The following FAM217B variants were observed in gnomAD, a reference collection of about 807,000 sequenced individuals.
FAM217B encodes the protein family with sequence similarity 217 member B.
For missense variants in FAM217B, 463 were observed against 456.9 expected, an observed-to-expected ratio of 1.01 and a Z score of -0.12; for synonymous variants, 163 against 173.0, an observed-to-expected ratio of 0.94 and a Z score of 0.45.
Position 59,943,952 on chromosome 20 carries a change from T to C in FAM217B, c.9T>C (p.Ala3=). 6.3e-7 allele frequency: 1 copy of C among 1,598,220 alleles called. No homozygotes were observed. The highest frequency in any genetic ancestry group is 8.5e-7 in the Non-Finnish European group (1 of 1,173,492). Residue 3 remains alanine (A), a synonymous_variant, in exon 4 of 4, where the codon GCT becomes GCC. Coordinates refer to ENST00000360816, the MANE Select transcript of FAM217B (RefSeq NM_022106.3). The stretch of plus-strand genomic sequence containing the variant: ...TATTTTCTCACAGCAATATGAATGC[T>C]GGCCCATCTTGGAATAAAGTGCAAC... The part of the protein sequence containing the change: MN[A]GPSWNKVQHS...
chr20:59,939,970 G>A (rs559988450), upstream of FAM217B: 3 of 1,254,724 alleles, frequency 2.4e-6, no homozygotes, highest in East Asian at 3.1e-5. Context: ...AGGGATGAGA[G>A]ACGACCTCCC....
At position 59,946,884 on chromosome 20, in the gene FAM217B, TC is replaced by T. The variant is rs1480179651; in HGVS notation, c.*1791del. ...TAGTTCCTGAGTGATGTCTGTGTGT[TC>T]CTTGCCTGCCCTTTTTTGTGAGCAC... On this transcript the variant is annotated 3_prime_UTR_variant, in exon 4 of 4. Coordinates refer to ENST00000360816, the MANE Select transcript of FAM217B (RefSeq NM_022106.3). The T allele has an allele frequency of 6.0e-6, 1 of 167,100 alleles. No individual in the cohort carries two copies. The highest frequency in any genetic ancestry group is 1.5e-5 in the Non-Finnish European group (1 of 68,118). 10.4% of individuals were successfully genotyped at this position (167,100 alleles called of 1,614,324 possible).
At position 59,945,255 on chromosome 20, in the gene FAM217B, A is replaced by G. The variant is rs182929561; in HGVS notation, c.*160A>G. Reference sequence around the variant, plus strand: ...CTTTATTTCTACCCTGAGTGGGGTTATTTTCAAAGGGAAGTGTCTTTCAAT... The same window carrying G: ...CTTTATTTCTACCCTGAGTGGGGTTGTTTTCAAAGGGAAGTGTCTTTCAAT... On this transcript the variant is annotated 3_prime_UTR_variant, in exon 4 of 4. Coordinates refer to ENST00000360816, the MANE Select transcript of FAM217B (RefSeq NM_022106.3). The G allele has an allele frequency of 3.2e-6, 2 of 615,466 alleles. No homozygotes were observed. The highest frequency in any genetic ancestry group is 3.7e-5 in the African/African-American group (2 of 53,836). 38.1% of individuals were successfully genotyped at this position (615,466 alleles called of 1,614,324 possible).
At chr20:59,939,756 C>T (rs13044006), upstream of FAM217B, 7 of 1,224,378 alleles carry the variant, frequency 5.7e-6, no homozygotes, top group African/African-American at 9.4e-5. Flanking sequence ...GGGGTCGCAG[C>T]CCGACGGCGC....
chr20:59,941,818 T>C (rs948432229), intron 1 of FAM217B, among the ~76,000 whole-genome samples: 1 of 152,188 alleles, frequency 6.6e-6, no homozygotes, highest in African/African-American at 2.4e-5. Flanking sequence ...GGCAATGCAA[T>C]GATTGAACGC....
intron 1 of FAM217B, among the ~76,000 whole-genome samples, chr20:59,934,585 A>G (rs2060844727): frequency 6.6e-6 from 1 of 152,220 alleles, no homozygotes; most frequent in African/African-American, 2.4e-5. Flanking sequence ...TGATGAGCCT[A>G]CACTTCTATT....
chr20:59,946,549 G>A lies in FAM217B; in HGVS notation c.*1454G>A, dbSNP rs1052272906. On this transcript the variant is annotated 3_prime_UTR_variant, in exon 4 of 4. Coordinates refer to ENST00000360816, the MANE Select transcript of FAM217B (RefSeq NM_022106.3). ...TATAATTATAAAAAACAATGTGCAA[G>A]GGTTATATTTTAAGGTCTTTTAAAA... 6.0e-6 allele frequency: 1 copy of A among 166,964 alleles called. No individual in the cohort carries two copies. Among genetic ancestry groups the A allele is most frequent in the Non-Finnish European group, 1.5e-5 (1 of 68,092 alleles). The allele number at this position is 166,964 out of a possible 1,614,324, so 10.3% of individuals were successfully genotyped here.
chr20:59,939,258 C>G, upstream of FAM217B: 1 of 1,610,868 alleles, frequency 6.2e-7, no homozygotes, highest in Non-Finnish European at 8.5e-7. Flanking sequence ...GCCTGCGGGC[C>G]CGCGCCACCG....
chr20:59,944,206 A>C lies in FAM217B; in HGVS notation c.263A>C (p.Asn88Thr). 1 of 1,614,208 alleles carries C rather than the reference A, an allele frequency of 6.2e-7. No individual in the cohort carries two copies. Among genetic ancestry groups the C allele is most frequent in the Non-Finnish European group, 8.5e-7 (1 of 1,180,034 alleles). The change falls in exon 4 of 4, where the codon AAT (asparagine) becomes ACT (threonine). Residue 88 changes from asparagine to threonine, a missense_variant. Physicochemically the swap from Asn to Thr is moderately conservative, Grantham distance 65. Transcript: ENST00000360816. ...DFQSMKIIKE[N>T]ADEDSASDLS... ...CAGTCAATGAAAATTATTAAAGAGA[A>C]TGCTGATGAGGACAGTGCAAGTGAT...
In FAM217B at chr20:59,944,433, G is replaced by A. The variant is rs141597928; in HGVS notation, c.490G>A (p.Ala164Thr). Residue 164 changes from alanine to threonine, a missense_variant, in exon 4 of 4, where the codon GCA (alanine) becomes ACA (threonine). Physicochemically the swap from Ala to Thr is moderately conservative, Grantham distance 58. Transcript: ENST00000360816. ...DLRDMALLLN[A>T]ENKTEAVPRV... ...ACGAGATATGGCCCTGCTTCTGAAC[G>A]CAGAGAACAAAACGGAAGCCGTGCC... 4.7e-4 allele frequency: 762 copies of A among 1,613,758 alleles called. No individual in the cohort carries two copies. Among genetic ancestry groups the A allele is most frequent in the Non-Finnish European group, 4.7e-4 (557 of 1,179,972 alleles).
At chr20:59,936,461 A>C (rs2060862551), upstream of FAM217B, among the ~76,000 whole-genome samples, 2 of 152,358 alleles carry the variant, frequency 1.3e-5, no homozygotes, top group African/African-American at 4.8e-5. Flanking sequence ...CTTTGTACTT[A>C]GGTGAGGGTC....
upstream of FAM217B, among the ~76,000 whole-genome samples, chr20:59,936,310 C>T (rs2060861768): frequency 6.6e-6 from 1 of 152,234 alleles, no homozygotes; most frequent in East Asian, 1.9e-4. Context: ...TTATTTTCAG[C>T]TAAGAAAAAG....
At chr20:59,941,842 G>A (rs2060907352) in intron 1 of FAM217B, among the ~76,000 whole-genome samples, 1 of 152,156 alleles carries the variant, frequency 6.6e-6, no homozygotes, top group South Asian at 2.1e-4. Context: ...AATAAGACCT[G>A]ACCTTATTTA....
At position 59,945,392 on chromosome 20, in the gene FAM217B, C is replaced by T. The variant is rs2060931543; in HGVS notation, c.*297C>T. Reference sequence around the variant, plus strand: ...AATGGCACCTCTCCAGGGAAAGTGTCAGTGAAACCTCAGCTACAGTAGCCG... The same window carrying T: ...AATGGCACCTCTCCAGGGAAAGTGTTAGTGAAACCTCAGCTACAGTAGCCG... On this transcript the variant is annotated 3_prime_UTR_variant, in exon 4 of 4. Transcript: ENST00000360816. 3.2e-5 allele frequency: 9 copies of T among 283,244 alleles called. No homozygotes were observed. 17.5% of individuals were successfully genotyped at this position (283,244 alleles called of 1,614,324 possible). A position where few individuals can be genotyped will look rare whatever the true frequency, so the allele number is the denominator to read the frequency against.
intron 3 of FAM217B, among the ~76,000 whole-genome samples, chr20:59,943,286 T>C (rs1238879995): frequency 2.0e-5 from 3 of 152,232 alleles, no homozygotes; most frequent in Admixed American, 6.5e-5. Context: ...TTCATTCATA[T>C]GTGTTACAGG....
chr20:59,945,289 C>A lies in FAM217B; in HGVS notation c.*194C>A. On this transcript the variant is annotated 3_prime_UTR_variant, in exon 4 of 4. Coordinates refer to ENST00000360816, the MANE Select transcript of FAM217B (RefSeq NM_022106.3). ...GGGAAGTGTCTTTCAATAAGCCTTTCTTTGTATTGTCAGTCTTAGGCAAAT... is the reference window on the plus strand; with the variant it reads ...GGGAAGTGTCTTTCAATAAGCCTTTATTTGTATTGTCAGTCTTAGGCAAAT... The A allele has an allele frequency of 1.9e-6, 1 of 528,510 alleles. No individual in the cohort carries two copies. Among genetic ancestry groups the A allele is most frequent in the Non-Finnish European group, 3.4e-6 (1 of 295,898 alleles). 32.7% of individuals were successfully genotyped at this position (528,510 alleles called of 1,614,324 possible). A position where few individuals can be genotyped will look rare whatever the true frequency, so the allele number is the denominator to read the frequency against.
At chr20:59,938,223 A>G (rs150603485), upstream of FAM217B, 71 of 152,392 alleles carry the variant, frequency 4.7e-4, no homozygotes, top group African/African-American at 1.7e-3. Context: ...GAATGGCCTG[A>G]TAATGATCAA....
At chr20:59,939,141 G>C (rs1269996818), upstream of FAM217B, 3 of 1,608,174 alleles carry the variant, frequency 1.9e-6, no homozygotes, top group Admixed American at 1.7e-5. Context: ...CCAGTACTCG[G>C]CACCCGCCAC....
chr20:59,944,631 G>T lies in FAM217B; in HGVS notation c.688G>T (p.Ala230Ser), dbSNP rs2060925976. ...SPGRSKLIAS[A>S]LSKPLPHQEG... is the part of the protein sequence containing the mutation. ...TGGGAGAAGTAAGCTAATTGCTAGTGCTCTGTCCAAGCCACTACCTCACCA... is the reference window on the plus strand; with the variant it reads ...TGGGAGAAGTAAGCTAATTGCTAGTTCTCTGTCCAAGCCACTACCTCACCA... The change falls in exon 4 of 4, where the codon GCT becomes TCT. Residue 230 changes from alanine to serine, a missense_variant. By Grantham distance (99) the Ala-to-Ser change is moderately conservative (BLOSUM62 1). Coordinates refer to ENST00000360816, the MANE Select transcript of FAM217B (RefSeq NM_022106.3). The T allele has an allele frequency of 6.2e-7, 1 of 1,614,072 alleles. No individual in the cohort carries two copies. Among genetic ancestry groups the T allele is most frequent in the Admixed American group, 1.7e-5 (1 of 60,008 alleles).
Sources: allele counts gnomAD v4.1 joint callset (sites outside exome capture counted in the v4.1 genomes callset), GRCh38; gene constraint gnomAD v4.1.1; transcripts MANE v1.5; gene names NCBI Gene and HGNC (gene_info 2026-07-23, HGNC 2026-07-21).